The following CBLIF variants were observed in gnomAD, a reference collection of about 807,000 sequenced individuals.
The protein encoded by CBLIF is cobalamin binding intrinsic factor.
A neutral mutation model predicts 44.9 loss-of-function variants in CBLIF; 24 were observed. That is an observed-to-expected ratio of 0.53 (90% CI 0.39 to 0.75). The LOEUF (loss-of-function observed/expected upper bound fraction) is 0.75. Ranked by LOEUF, CBLIF falls within the 30% of genes least tolerant of loss-of-function variation. CBLIF has a pLI of 0.00. For missense variants in CBLIF, 481 were observed against 513.0 expected, an observed-to-expected ratio of 0.94 and a Z score of 0.60; for synonymous variants, 183 against 190.9, an observed-to-expected ratio of 0.96 and a Z score of 0.34.
intron 4 of CBLIF, among the ~76,000 whole-genome samples, chr11:59,841,590 A>T (rs994163287): frequency 6.6e-6 from 1 of 152,220 alleles, no homozygotes; most frequent in Non-Finnish European, 1.5e-5. Flanking sequence ...CCAGAAGTAA[A>T]TAAGTCCAAA....
chr11:59,839,297 G>T (rs970080413), intron 5 of CBLIF, among the ~76,000 whole-genome samples: 1 of 152,094 alleles, frequency 6.6e-6, no homozygotes, highest in Non-Finnish European at 1.5e-5. Flanking sequence ...GCCACTGGAA[G>T]TGTACTGACA....
chr11:59,835,684 G>A, intron 7 of CBLIF, 124 bp downstream of exon 7: 1 of 780,338 alleles, frequency 1.3e-6, no homozygotes, highest in Non-Finnish European at 2.3e-6. Context: ...ATTGAAAGCT[G>A]CTCAAGCGCT....
chr11:59,834,226 CTTTCTTTCTTTCTTTTTCTTTCTT>C (rs1866411780), intron 7 of CBLIF, among the ~76,000 whole-genome samples: 5 of 148,836 alleles, frequency 3.4e-5, no homozygotes, highest in Admixed American at 1.3e-4. Context: ...CTTTCTGTTT[CTTTCTTTCTTTCTTTTTCTTTCTT>C]TCTTTCTTTC....
chr11:59,843,344 G>C (rs886744092), intron 2 of CBLIF, among the ~76,000 whole-genome samples: 22 of 152,156 alleles, frequency 1.4e-4, no homozygotes, highest in African/African-American at 5.3e-4. Context: ...TGTGTAACTT[G>C]ATGACTCTAG....
chr11:59,837,199 A>G lies in CBLIF; in HGVS notation c.846T>C (p.Asp282=). The G allele has an allele frequency of 1.2e-6, 2 of 1,614,114 alleles. No individual in the cohort carries two copies. Among genetic ancestry groups the G allele is most frequent in the Non-Finnish European group, 1.7e-6 (2 of 1,179,934 alleles). ...LPSLKGKTYL[D]VPQVTCSPDH... is the part of the protein sequence containing the mutation. ...CAGGACTACAAGTGACCTGGGGCAC[A>G]TCTAGGTATGTCTTGCCTTTCAGGG... is the stretch of plus-strand genomic sequence containing the variant. The change falls in exon 6 of 9, where the codon GAT becomes GAC. Residue 282 remains aspartate (D), a synonymous_variant. Transcript: ENST00000257248.
In CBLIF at chr11:59,841,155, G is replaced by A. The variant is rs751289873; in HGVS notation, c.681C>T (p.Gly227=). ...AGCACGTGTTTACCTGCATGGCGAG[G>A]CCAGTACTGTAGATGTCTCCAATGA... is the stretch of plus-strand genomic sequence containing the variant. ...NGIIGDIYST[G]LAMQALSVTP... is the part of the protein sequence containing the mutation. The change falls in exon 5 of 9, where the codon GGC becomes GGT. Residue 227 remains glycine (G), a synonymous_variant. Coordinates refer to ENST00000257248, the MANE Select transcript of CBLIF (RefSeq NM_005142.3). 8 of 1,612,662 alleles carry A rather than the reference G, an allele frequency of 5.0e-6. No homozygotes were observed. Among genetic ancestry groups the A allele is most frequent in the Non-Finnish European group, 6.8e-6 (8 of 1,178,628 alleles).
chr11:59,837,397 C>T (rs757059144), intron 5 of CBLIF, 46 bp from the exon 6 acceptor site: 1 of 1,421,946 alleles, frequency 7.0e-7, no homozygotes, highest in South Asian at 1.2e-5. Flanking sequence ...TTAGGCATAG[C>T]TGAGAGTTGG....
intron 1 of CBLIF, 131 bp downstream of exon 1, chr11:59,845,244 A>G (rs759626326): frequency 1.5e-6 from 2 of 1,330,516 alleles, no homozygotes; most frequent in Non-Finnish European, 2.1e-6. Context: ...ACAGCACACA[A>G]TCACACTCAG....
At chr11:59,835,585 G>A (rs1243477353) in intron 7 of CBLIF, among the ~76,000 whole-genome samples, 2 of 152,100 alleles carry the variant, frequency 1.3e-5, no homozygotes, top group African/African-American at 2.4e-5. Context: ...ATGGACTTTC[G>A]AATCTCCTCT....
Position 59,837,245 on chromosome 11 carries a change from G to C in CBLIF, c.800C>G (p.Ser267Cys). The change falls in exon 6 of 9, where the codon TCC (serine) becomes TGC (cysteine). Residue 267 changes from serine (S) to cysteine (C), a missense_variant. Transcript: ENST00000257248. ...CAGGGAAGGGAGGATTTGAGCAATG[G>C]ACATGGGGTTGTGGAATTTCCCCTG... Reference protein sequence around the residue: ...IKQGKFHNPMSIAQILPSLKG... With the variant: ...IKQGKFHNPMCIAQILPSLKG... 6.2e-7 allele frequency: 1 copy of C among 1,613,774 alleles called. No individual in the cohort carries two copies. Among genetic ancestry groups the C allele is most frequent in the Non-Finnish European group, 8.5e-7 (1 of 1,179,658 alleles).
At chr11:59,839,343 T>C (rs1032936800) in intron 5 of CBLIF, among the ~76,000 whole-genome samples, 1 of 152,236 alleles carries the variant, frequency 6.6e-6, no homozygotes, top group Admixed American at 6.5e-5. Context: ...GAAAAGGAAC[T>C]TTACTAGCAT....
intron 6 of CBLIF, 94 bp downstream of exon 6, chr11:59,837,080 A>C: frequency 1.0e-6 from 1 of 957,400 alleles, no homozygotes; most frequent in Non-Finnish European, 1.7e-6. Flanking sequence ...GGAATAATGG[A>C]CATTACAAGC....
intron 2 of CBLIF, 129 bp from the exon 3 acceptor site, chr11:59,843,270 ATCTG>A: frequency 1.4e-6 from 1 of 691,974 alleles, no homozygotes; most frequent in Non-Finnish European, 2.7e-6. Flanking sequence ...CAGTTCTTTG[ATCTG>A]TCTTTCCAAA....
chr11:59,841,382 C>CACACAA, intron 4 of CBLIF, 58 bp from the exon 5 acceptor site: 1 of 1,175,632 alleles, frequency 8.5e-7, no homozygotes, highest in Non-Finnish European at 1.3e-6. Flanking sequence ...ATATGAACAG[C>CACACAA]TAACATTTAT....
At chr11:59,840,912 GA>G (rs1866517677) in intron 5 of CBLIF, 2 of 474,782 alleles carry the variant, frequency 4.2e-6, no homozygotes, top group Non-Finnish European at 7.5e-6. Context: ...CCAAGAAAGA[GA>G]AACAAGTTCA....
intron 5 of CBLIF, 92 bp from the exon 6 acceptor site, chr11:59,837,443 A>G: frequency 1.1e-6 from 1 of 915,472 alleles, no homozygotes; most frequent in Non-Finnish European, 1.8e-6. Flanking sequence ...TTGATCACTA[A>G]TCATGGTGAT....
intron 4 of CBLIF, 68 bp from the exon 5 acceptor site, chr11:59,841,392 T>C: frequency 1.9e-6 from 2 of 1,066,454 alleles, no homozygotes; most frequent in South Asian, 1.3e-5. Context: ...CTAACATTTA[T>C]TGTGTGCTTA....
In CBLIF at chr11:59,838,790, C is replaced by T. The variant is rs182868282; in HGVS notation, c.694-1439G>A. Among the ~76,000 whole-genome samples, 305 of 151,890 alleles carry T rather than the reference C, an allele frequency of 2.0e-3. 2 individuals carry two copies. Among genetic ancestry groups the T allele is most frequent in the Middle Eastern group, 6.9e-3 (2 of 290 alleles). ...GAGGATAACACATTAAGTGGTTAGA[C>T]GTCATTAATAACTTTCCATCAAGAA... On this transcript the variant is annotated intron_variant, in intron 5 of 8. Transcript: ENST00000257248.
intron 4 of CBLIF, 142 bp downstream of exon 4, chr11:59,842,301 A>C: frequency 1.1e-6 from 1 of 883,592 alleles, no homozygotes; most frequent in South Asian, 1.4e-5. Context: ...ACATCTGGTA[A>C]ATATCTCCCA....
Sources: allele counts gnomAD v4.1 joint callset (sites outside exome capture counted in the v4.1 genomes callset), GRCh38; gene constraint gnomAD v4.1.1; transcripts MANE v1.5; gene names NCBI Gene and HGNC (gene_info 2026-07-23, HGNC 2026-07-21).